The following RHEX variants were observed in gnomAD, a reference collection of about 807,000 sequenced individuals.
The protein encoded by RHEX is regulator of hemoglobinization and erythroid cell expansion protein.
RHEX carries 18 observed loss-of-function variants against 20.1 expected under a neutral mutation model. That is an observed-to-expected ratio of 0.90 (90% CI 0.62 to 1.33). The LOEUF (loss-of-function observed/expected upper bound fraction) is 1.33. Among genes scored for constraint, RHEX ranks in the 40% most tolerant of loss-of-function variants. RHEX has a pLI of 0.00. For missense variants in RHEX, 192 were observed against 214.3 expected (o/e 0.90, Z 0.65); for synonymous variants, 87 against 77.1 (o/e 1.13, Z -0.67).
chr1:206,060,244 T>G (rs546953117), intron 1 of RHEX, among the ~76,000 whole-genome samples: 2 of 151,902 alleles, frequency 1.3e-5, no homozygotes, highest in Non-Finnish European at 2.9e-5. Flanking sequence ...TATATGAAGA[T>G]TAAACAAGAT....
In RHEX at chr1:206,083,662, C is replaced by T. The variant is rs1662779684; in HGVS notation, c.-96-14071C>T. The stretch of plus-strand genomic sequence containing the variant: ...TCATAGTCCTAAGGGTAAGTACTGT[C>T]TATGGAGACAGGATTTTAAATTAGT... On this transcript the variant is annotated intron_variant, in intron 1 of 5. Coordinates refer to ENST00000331555, the MANE Select transcript of RHEX (RefSeq NM_001007544.4). 3.1e-6 allele frequency: 3 copies of T among 982,820 alleles called. No individual in the cohort carries two copies. The South Asian group carries it at 1.4e-4, about 46-fold the overall frequency. 60.9% of individuals were successfully genotyped at this position (982,820 alleles called of 1,614,324 possible). A position where few individuals can be genotyped will look rare whatever the true frequency, so the allele number is the denominator to read the frequency against.
chr1:206,059,705 T>G (rs1372391797), intron 1 of RHEX, among the ~76,000 whole-genome samples: 1 of 152,128 alleles, frequency 6.6e-6, no homozygotes, highest in African/African-American at 2.4e-5. Flanking sequence ...CTGAGATTCC[T>G]CACCTATACA....
rs1417783572 is a variant in RHEX at position 206,102,023 on chromosome 1, T to G, written c.*71T>G. 8 of 1,298,778 alleles carry G rather than the reference T, an allele frequency of 6.2e-6. No homozygotes were observed. The highest frequency in any genetic ancestry group is 1.5e-5 in the African/African-American group (1 of 68,378). 80.5% of individuals were successfully genotyped at this position (1,298,778 alleles called of 1,614,324 possible). A position where few individuals can be genotyped will look rare whatever the true frequency, so the allele number is the denominator to read the frequency against. Reference sequence around the variant, plus strand: ...ATTTAATTTGTAGGGAAATGCCATTTTTCCCCCTTAAACAAGGCATGGGGC... The same window carrying G: ...ATTTAATTTGTAGGGAAATGCCATTGTTCCCCCTTAAACAAGGCATGGGGC... On this transcript the variant is annotated 3_prime_UTR_variant, in exon 6 of 6. Coordinates refer to ENST00000331555, the MANE Select transcript of RHEX (RefSeq NM_001007544.4).
chr1:206,102,089 GA>G lies in RHEX; in HGVS notation c.*141del. The G allele has an allele frequency of 1.4e-6, 1 of 738,382 alleles. No individual in the cohort carries two copies. The highest frequency in any genetic ancestry group is 1.6e-5 in the South Asian group (1 of 61,402). 45.7% of individuals were successfully genotyped at this position (738,382 alleles called of 1,614,324 possible). On this transcript the variant is annotated 3_prime_UTR_variant, in exon 6 of 6. Transcript: ENST00000331555. Reference sequence around the variant, plus strand: ...GACAGGCCAAAAAGAATGTGGAGAAGAAAACTGATAAATACACAGAGGTCCT... The same window carrying G: ...GACAGGCCAAAAAGAATGTGGAGAAGAAACTGATAAATACACAGAGGTCCT...
chr1:206,063,221 C>T (rs1429942288), intron 1 of RHEX, among the ~76,000 whole-genome samples: 1 of 152,016 alleles, frequency 6.6e-6, no homozygotes, highest in Non-Finnish European at 1.5e-5. Context: ...CAAAGAAAAG[C>T]GAGGAGATGA....
intron 1 of RHEX, among the ~76,000 whole-genome samples, chr1:206,069,441 G>A (rs782533394): frequency 1.3e-5 from 2 of 152,158 alleles, no homozygotes; most frequent in Non-Finnish European, 2.9e-5. Context: ...CTCCCTCAAC[G>A]TCCCGAGCCA....
At chr1:206,083,444 C>T in intron 1 of RHEX, 1 of 956,548 alleles carries the variant, frequency 1.0e-6, no homozygotes, top group Non-Finnish European at 1.2e-6. Context: ...CATTATCTCT[C>T]CCTTCACCCT....
intron 1 of RHEX, among the ~76,000 whole-genome samples, chr1:206,084,101 A>T (rs578045238): frequency 9.8e-5 from 15 of 152,304 alleles, no homozygotes; most frequent in African/African-American, 3.6e-4. Flanking sequence ...GTCAAATGGG[A>T]ACCAGATCTC....
chr1:206,101,778 A>C lies in RHEX; in HGVS notation c.345A>C (p.Gln115His). The change falls in exon 6 of 6, where the codon CAA (glutamine) becomes CAC (histidine). Residue 115 changes from glutamine (Q) to histidine (H), a missense_variant. Gln to His is a conservative substitution (Grantham distance 24). Coordinates refer to ENST00000331555, the MANE Select transcript of RHEX (RefSeq NM_001007544.4). ...CQATEDVDYTQVVFSDPGELK... is the reference protein window; with the variant it reads ...CQATEDVDYTHVVFSDPGELK... ...CCACAGAGGATGTGGATTACACACA[A>C]GTCGTCTTTTCTGACCCTGGAGAAC... The C allele has an allele frequency of 6.2e-7, 1 of 1,613,758 alleles. No homozygotes were observed. The highest frequency in any genetic ancestry group is 8.5e-7 in the Non-Finnish European group (1 of 1,179,938).
rs74231771 is a variant in RHEX at position 206,092,235 on chromosome 1, T to A, written c.-96-5498T>A. ...CACTGGGCTCAGCCAATGCTTTTAATTTCTAAATAATAATAGCTTGCATTC... is the reference window on the plus strand; with the variant it reads ...CACTGGGCTCAGCCAATGCTTTTAAATTCTAAATAATAATAGCTTGCATTC... On this transcript the variant is annotated intron_variant, in intron 1 of 5. Coordinates refer to ENST00000331555, the MANE Select transcript of RHEX (RefSeq NM_001007544.4). Among the ~76,000 whole-genome samples, 159 of 152,314 alleles carry A rather than the reference T, an allele frequency of 1.0e-3. 1 individual carries two copies. In the East Asian group the frequency reaches 0.027, roughly 26 times the overall value.
rs1571870025 is a variant in RHEX at position 206,090,966 on chromosome 1, A to T, written c.-96-6767A>T. On this transcript the variant is annotated intron_variant, in intron 1 of 5. Coordinates refer to ENST00000331555, the MANE Select transcript of RHEX (RefSeq NM_001007544.4). Reference sequence around the variant, plus strand: ...CATTCTTTTGGATTTCTAGGTGTAAAATCATATATTTTGCAAGTAAGAATG... The same window carrying T: ...CATTCTTTTGGATTTCTAGGTGTAATATCATATATTTTGCAAGTAAGAATG... Among the ~76,000 whole-genome samples, 2 of 152,140 alleles carry T rather than the reference A, an allele frequency of 1.3e-5. 1 individual carries two copies. Among genetic ancestry groups the T allele is most frequent in the East Asian group, 3.8e-4 (2 of 5,204 alleles).
In RHEX at chr1:206,099,774, C is replaced by G; in HGVS notation, c.232C>G (p.Pro78Ala). ...GGAGACTCAGACAGAGAGAGACATC[C>G]CAATGTCTGATTCCCTTTACAGGCG... is the stretch of plus-strand genomic sequence containing the variant. ...MKETQTERDI[P>A]MSDSLYRHDS... The change falls in exon 4 of 6, where the codon CCA becomes GCA. Residue 78 changes from proline to alanine, a missense_variant. By Grantham distance (27) the Pro-to-Ala change is conservative (BLOSUM62 -1). Transcript: ENST00000331555. 1 of 1,613,856 alleles carries G rather than the reference C, an allele frequency of 6.2e-7. No individual in the cohort carries two copies. Among genetic ancestry groups the G allele is most frequent in the Non-Finnish European group, 8.5e-7 (1 of 1,179,804 alleles).
chr1:206,071,390 T>C (rs1449132038), intron 1 of RHEX, among the ~76,000 whole-genome samples: 1 of 152,106 alleles, frequency 6.6e-6, no homozygotes, highest in East Asian at 1.9e-4. Flanking sequence ...GTCCACTGAC[T>C]CAAATGTTAA....
intron 1 of RHEX, among the ~76,000 whole-genome samples, chr1:206,064,636 C>A (rs1184069775): frequency 6.7e-6 from 1 of 149,416 alleles, no homozygotes; most frequent in East Asian, 2.0e-4. Context: ...GCCGGCCGCC[C>A]CGTCCCGGGG....
intron 2 of RHEX, 97 bp downstream of exon 2, chr1:206,097,936 G>C: frequency 8.3e-7 from 1 of 1,209,252 alleles, no homozygotes; most frequent in Non-Finnish European, 1.2e-6. Context: ...GGCTGCCCCA[G>C]CCTTATTGTC....
chr1:206,072,327 G>A (rs554863928), intron 1 of RHEX, among the ~76,000 whole-genome samples: 1 of 152,178 alleles, frequency 6.6e-6, no homozygotes, highest in Admixed American at 6.5e-5. Flanking sequence ...TATAATCCCA[G>A]CACTTTGGGA....
chr1:206,076,506 C>G (rs373370331), intron 1 of RHEX, among the ~76,000 whole-genome samples: 5 of 152,328 alleles, frequency 3.3e-5, no homozygotes, highest in African/African-American at 1.2e-4. Flanking sequence ...ACCTTTTGTA[C>G]CAGAGGCTCA....
At chr1:206,056,019 A>G (rs1173886759) in intron 1 of RHEX, among the ~76,000 whole-genome samples, 2 of 152,276 alleles carry the variant, frequency 1.3e-5, no homozygotes, top group Non-Finnish European at 2.9e-5. Flanking sequence ...ATACCAAAGG[A>G]CACCATTAGC....
intron 1 of RHEX, among the ~76,000 whole-genome samples, chr1:206,064,376 C>G (rs1239136568): frequency 7.3e-6 from 1 of 136,912 alleles, no homozygotes; most frequent in African/African-American, 2.9e-5. Context: ...GCTGCCCCGT[C>G]CGGGAGGGAG....
Sources: allele counts gnomAD v4.1 joint callset (sites outside exome capture counted in the v4.1 genomes callset), GRCh38; gene constraint gnomAD v4.1.1; transcripts MANE v1.5; gene names NCBI Gene and HGNC (gene_info 2026-07-23, HGNC 2026-07-21).